Variants in CNTNAP4 observed in about 807,000 individuals in gnomAD.
The protein encoded by CNTNAP4 is contactin associated protein family member 4.
In CNTNAP4, 98 loss-of-function variants were observed where a neutral mutation model predicts 148.4. The observed-to-expected ratio is 0.66, with a 90% CI of 0.56 to 0.78. The LOEUF is 0.78. CNTNAP4 is among the 30% of genes least tolerant of loss of function. The pLI, the probability that CNTNAP4 is intolerant of heterozygous loss-of-function variation, is 0.00. For synonymous variants in CNTNAP4, 730 were observed against 565.1 expected (o/e 1.29, Z -4.14); for missense variants, 1,935 against 1,565.6 (o/e 1.24, Z -3.98).
intron 3 of CNTNAP4, among the ~76,000 whole-genome samples, chr16:76,403,971 C>G (rs1322562729): frequency 6.6e-6 from 1 of 152,076 alleles, no homozygotes; most frequent in Non-Finnish European, 1.5e-5. Flanking sequence ...ACCATATGTT[C>G]TTATAAGTGG....
chr16:76,541,810 CAG>C (rs1334729728), intron 21 of CNTNAP4, among the ~76,000 whole-genome samples: 1 of 152,064 alleles, frequency 6.6e-6, no homozygotes, highest in African/African-American at 2.4e-5. Flanking sequence ...TCCAAACAAA[CAG>C]GGGAAATACC....
At chr16:76,371,312 ATCT>A (rs1183252034) in intron 3 of CNTNAP4, among the ~76,000 whole-genome samples, 4 of 151,964 alleles carry the variant, frequency 2.6e-5, no homozygotes, top group African/African-American at 9.7e-5. Flanking sequence ...TTTGAAATGG[ATCT>A]TCTTCTGTCG....
rs1300784059 is a variant in CNTNAP4, at chr16:76,282,664, G to T, written c.85+4917G>T. 2.0e-5 allele frequency among the ~76,000 whole-genome samples: 3 copies of T among 151,994 alleles called. No individual in the cohort carries two copies. In the South Asian group the frequency reaches 6.2e-4, roughly 31 times the overall value. On this transcript the variant is annotated intron_variant, in intron 1 of 23. Transcript: ENST00000611870. ...TAAGCACTGCCCACTAAGAGCTCAT[G>T]ATATTTAAGCAAGTGATTTTCACTT...
intron 1 of CNTNAP4, among the ~76,000 whole-genome samples, chr16:76,293,868 A>C (rs1463462933): frequency 1.3e-5 from 2 of 150,680 alleles, no homozygotes; most frequent in African/African-American, 4.9e-5. Context: ...CCCGTGACTG[A>C]ATGTAGCATT....
Position 76,461,903 on chromosome 16 carries a change from TC to T in CNTNAP4, c.1334-51del. ...GTGTATATTGCTGTTTCTAACCAAC[TC>T]CTTATAGTGTTCACTATTGAGAGCG... On this transcript the variant is annotated intron_variant, in intron 8 of 23. Coordinates refer to ENST00000611870, the MANE Select transcript of CNTNAP4 (RefSeq NM_033401.5). 2.0e-6 allele frequency: 3 copies of T among 1,537,118 alleles called. No individual in the cohort carries two copies. In the South Asian group the frequency reaches 3.4e-5, roughly 18 times the overall value.
At chr16:76,370,517 C>G (rs537738036) in intron 3 of CNTNAP4, among the ~76,000 whole-genome samples, 1 of 152,140 alleles carries the variant, frequency 6.6e-6, no homozygotes, top group Non-Finnish European at 1.5e-5. Flanking sequence ...TCCTCCCTTC[C>G]TTTCACTTGC....
Position 76,448,032 on chromosome 16 carries a change from G to A in CNTNAP4, c.559G>A (p.Asp187Asn). Reference sequence around the variant, plus strand: ...TCTAGGATCAGAAGTGGTTGATCTTGATGGAAAAAGTTCCCTTCTCTACAG... The same window carrying A: ...TCTAGGATCAGAAGTGGTTGATCTTAATGGAAAAAGTTCCCTTCTCTACAG... ...CAYRSEVVDL[D>N]GKSSLLYRFD... is the part of the protein sequence containing the mutation. The change falls in exon 5 of 24, where the codon GAT becomes AAT. Residue 187 changes from aspartate (D) to asparagine (N), a missense_variant. Transcript: ENST00000611870. The A allele has an allele frequency of 6.2e-7, 1 of 1,613,270 alleles. No individual in the cohort carries two copies. The highest frequency in any genetic ancestry group is 8.5e-7 in the Non-Finnish European group (1 of 1,179,334).
chr16:76,331,350 G>A (rs1165417411), intron 2 of CNTNAP4, among the ~76,000 whole-genome samples: 2 of 151,792 alleles, frequency 1.3e-5, no homozygotes, highest in African/African-American at 4.8e-5. Flanking sequence ...ACCATGCTCG[G>A]CTAATTTTTT....
At chr16:76,374,297 G>A (rs16944316) in intron 3 of CNTNAP4, among the ~76,000 whole-genome samples, 97,060 of 151,940 alleles carry the variant, frequency 0.64, 31,540 homozygotes, top group East Asian at 0.88. Context: ...TCAGAGAAAA[G>A]AATCTTCTAT....
intron 11 of CNTNAP4, among the ~76,000 whole-genome samples, chr16:76,478,031 C>T (rs72799009): frequency 0.098 from 14,912 of 152,120 alleles, 888 homozygotes; most frequent in South Asian, 0.19. Flanking sequence ...GCCAGAATGA[C>T]AGTCTTGGTT....
In CNTNAP4 at chr16:76,355,349, C is replaced by G; in HGVS notation, c.228C>G (p.Asn76Lys). Residue 76 changes from asparagine to lysine, a missense_variant, in exon 3 of 24, where the codon AAC (asparagine) becomes AAG (lysine). By Grantham distance (94) the Asn-to-Lys change is moderately conservative. Coordinates refer to ENST00000611870, the MANE Select transcript of CNTNAP4 (RefSeq NM_033401.5). ...GAGGWSPLVSNKYQWLQIDLG... is the reference protein window; with the variant it reads ...GAGGWSPLVSKKYQWLQIDLG... ...GTGGCTGGTCTCCACTTGTGTCTAA[C>G]AAATACCAGTGGTTGCAGATTGACC... The G allele has an allele frequency of 6.3e-7, 1 of 1,594,468 alleles. No individual in the cohort carries two copies. Among genetic ancestry groups the G allele is most frequent in the Non-Finnish European group, 8.5e-7 (1 of 1,170,252 alleles).
At chr16:76,498,410 A>C (rs1353809219) in intron 14 of CNTNAP4, among the ~76,000 whole-genome samples, 157 bp from the exon 15 acceptor site, 3 of 152,166 alleles carry the variant, frequency 2.0e-5, no homozygotes, top group Admixed American at 6.5e-5. Flanking sequence ...AATAATAGTA[A>C]ATAAATCAAA....
At chr16:76,494,408 T>C (rs992175620) in intron 13 of CNTNAP4, among the ~76,000 whole-genome samples, 2 of 152,144 alleles carry the variant, frequency 1.3e-5, no homozygotes, top group Non-Finnish European at 1.5e-5. Context: ...GAGTGCCAAA[T>C]CATGCCTAAC....
At chr16:76,368,469 T>C (rs545755027) in intron 3 of CNTNAP4, among the ~76,000 whole-genome samples, 1 of 152,290 alleles carries the variant, frequency 6.6e-6, no homozygotes, top group East Asian at 1.9e-4. Context: ...ATGTGGCACA[T>C]ATACACTGTG....
chr16:76,477,294 A>T (rs1204418495), intron 11 of CNTNAP4, among the ~76,000 whole-genome samples: 1 of 152,122 alleles, frequency 6.6e-6, no homozygotes, highest in Non-Finnish European at 1.5e-5. Context: ...TGGCGCACAA[A>T]TGGGAAGACC....
chr16:76,538,549 T>A (rs915878533), intron 19 of CNTNAP4, among the ~76,000 whole-genome samples: 9 of 152,034 alleles, frequency 5.9e-5, no homozygotes, highest in African/African-American at 2.2e-4. Context: ...TCTTTATGAT[T>A]TTGATAATTT....
rs190899204 is a variant in CNTNAP4 at position 76,440,754 on chromosome 16, C to T, written c.539-7258C>T. Among the ~76,000 whole-genome samples the T allele has an allele frequency of 6.6e-4, 101 of 152,180 alleles. 1 individual carries two copies. The South Asian group carries it at 0.012, about 18-fold the overall frequency. Reference sequence around the variant, plus strand: ...GAATGTTGAATGTTTATGGAGATCCCAAGGGATTCTTTTCCATTGGTTCCA... The same window carrying T: ...GAATGTTGAATGTTTATGGAGATCCTAAGGGATTCTTTTCCATTGGTTCCA... On this transcript the variant is annotated intron_variant, in intron 4 of 23. Transcript: ENST00000611870.
At chr16:76,316,141 A>G (rs1355133691) in intron 1 of CNTNAP4, 4 of 481,338 alleles carry the variant, frequency 8.3e-6, no homozygotes, top group African/African-American at 7.9e-5. Context: ...ATCTTTTATA[A>G]TGAGGTATAA....
At chr16:76,555,698 A>C (rs1010622248) in intron 23 of CNTNAP4, among the ~76,000 whole-genome samples, 2 of 152,242 alleles carry the variant, frequency 1.3e-5, no homozygotes, top group Non-Finnish European at 2.9e-5. Context: ...TTAAACAAGA[A>C]GTGCATTGAT....
Sources: allele counts gnomAD v4.1 joint callset (sites outside exome capture counted in the v4.1 genomes callset), GRCh38; gene constraint gnomAD v4.1.1; transcripts MANE v1.5; gene names NCBI Gene and HGNC (gene_info 2026-07-23, HGNC 2026-07-21).